The following ADD3 variants were observed in gnomAD, a reference collection of about 807,000 sequenced individuals.
ADD3 encodes adducin 3.
In ADD3, 25 loss-of-function variants were observed where a neutral mutation model predicts 80.2. The observed-to-expected ratio is 0.31, with a 90% CI of 0.23 to 0.44. The LOEUF is 0.44. ADD3 is among the 20% of genes least tolerant of loss of function. The pLI is 1.00. For missense variants in ADD3, 829 were observed against 847.5 expected (o/e 0.98, Z 0.27); for synonymous variants, 284 against 289.6 (o/e 0.98, Z 0.20).
chr10:110,045,414 C>A (rs115658440), intron 1 of ADD3, among the ~76,000 whole-genome samples: 2 of 151,996 alleles, frequency 1.3e-5, no homozygotes, highest in African/African-American at 4.8e-5. Flanking sequence ...TCCTCTGTTG[C>A]TATTTAGCAC....
intron 4 of ADD3, 69 bp downstream of exon 4, chr10:110,116,479 C>T (rs1048723111): frequency 6.6e-7 from 1 of 1,507,890 alleles, no homozygotes. Flanking sequence ...CTCTTCTTAC[C>T]TTTACCTGGA....
intron 1 of ADD3, among the ~76,000 whole-genome samples, chr10:110,074,398 T>C (rs1396701822): frequency 4.6e-5 from 7 of 152,198 alleles, no homozygotes; most frequent in Admixed American, 3.9e-4. Flanking sequence ...TTCTCTTCAT[T>C]GATCAAGCCC....
chr10:110,106,846 T>C (rs548456011), intron 2 of ADD3, among the ~76,000 whole-genome samples: 34 of 152,260 alleles, frequency 2.2e-4, no homozygotes, highest in African/African-American at 7.7e-4. Context: ...TAAAAGTTTA[T>C]AACATTCAAT....
At chr10:110,086,113 A>G (rs1242389799) in intron 1 of ADD3, among the ~76,000 whole-genome samples, 1 of 151,844 alleles carries the variant, frequency 6.6e-6, no homozygotes, top group Non-Finnish European at 1.5e-5. Flanking sequence ...TCTCAGAAAC[A>G]GAAAGAAAAA....
intron 1 of ADD3, among the ~76,000 whole-genome samples, chr10:110,084,354 A>C (rs2133804111): frequency 6.6e-6 from 1 of 152,338 alleles, no homozygotes; most frequent in East Asian, 1.9e-4. Flanking sequence ...ATGAGGCATT[A>C]CCTGGCTTTT....
chr10:110,003,745 T>C (rs578081213), upstream of ADD3, among the ~76,000 whole-genome samples: 3 of 152,176 alleles, frequency 2.0e-5, no homozygotes, highest in East Asian at 5.8e-4. Context: ...CTACCCAGAG[T>C]TCCTGTTGAG....
At chr10:109,999,745 A>G (rs114607016) in intron 1 of ADD3, among the ~76,000 whole-genome samples, 3 of 152,228 alleles carry the variant, frequency 2.0e-5, no homozygotes, top group Middle Eastern at 3.4e-3. Context: ...ATCATATCTT[A>G]ATAATTATTA....
intron 1 of ADD3, among the ~76,000 whole-genome samples, chr10:110,085,640 G>C (rs1261378028): frequency 6.6e-6 from 1 of 152,234 alleles, no homozygotes; most frequent in Admixed American, 6.5e-5. Flanking sequence ...GCTATCAGGT[G>C]ACCTCAGGGA....
At chr10:110,063,445 A>G (rs1418266508) in intron 1 of ADD3, among the ~76,000 whole-genome samples, 7 of 152,024 alleles carry the variant, frequency 4.6e-5, no homozygotes. Context: ...GTATAGGAGT[A>G]TATATAGAGC....
chr10:110,130,228 G>T (rs1172916584), intron 12 of ADD3, 135 bp from the exon 13 acceptor site: 2 of 863,786 alleles, frequency 2.3e-6, no homozygotes, highest in Non-Finnish European at 1.8e-6. Context: ...ATGTTACCTT[G>T]CATTTCTTAG....
intron 1 of ADD3, among the ~76,000 whole-genome samples, chr10:110,013,927 C>G (rs1187460877): frequency 6.6e-6 from 1 of 152,206 alleles, no homozygotes; most frequent in Non-Finnish European, 1.5e-5. Flanking sequence ...CGGTGTATGT[C>G]TTTGTCACCA....
At chr10:110,083,826 C>G (rs962822899) in intron 1 of ADD3, among the ~76,000 whole-genome samples, 4 of 152,144 alleles carry the variant, frequency 2.6e-5, no homozygotes, top group African/African-American at 9.7e-5. Context: ...GGTTGTAGTA[C>G]TCTTACTACC....
chr10:110,073,388 C>G (rs1349666424), intron 1 of ADD3, among the ~76,000 whole-genome samples: 1 of 151,978 alleles, frequency 6.6e-6, no homozygotes, highest in Non-Finnish European at 1.5e-5. Context: ...GTGATCCACC[C>G]GCCTCGGCCT....
At position 110,015,377 on chromosome 10, in the gene ADD3, A is replaced by AT. The variant is rs1236262588; in HGVS notation, c.-30+7094dup. 7.9e-3 allele frequency among the ~76,000 whole-genome samples: 1,099 copies of AT among 139,744 alleles called. 12 individuals are homozygous for AT. The highest frequency in any genetic ancestry group is 0.019 in the African/African-American group (743 of 38,136). 91.7% of individuals were successfully genotyped at this position (139,744 alleles called of 152,430 possible). On this transcript the variant is annotated intron_variant, in intron 1 of 14. Transcript: ENST00000356080. ...ACTAATTTTCATATTAGAATGTTTG[A>AT]TTTTTTTTTTTTTTTTGAGATGGAG...
Position 110,119,273 on chromosome 10 carries a change from T to G in ADD3, c.780T>G (p.Val260=). The change falls in exon 7 of 15, where the codon GTT becomes GTG. Residue 260 remains valine, a synonymous_variant. Transcript: ENST00000356080. ...ISQESLLLGD[V]AYYDYQGSLE... ...AAGAGTCTCTTCTTCTGGGAGATGT[T>G]GCCTATTATGACTACCAAGGGTCAC... 6.2e-7 allele frequency: 1 copy of G among 1,614,194 alleles called. No homozygotes were observed. Among genetic ancestry groups the G allele is most frequent in the Non-Finnish European group, 8.5e-7 (1 of 1,180,018 alleles).
At chr10:110,124,954 C>T (rs917788624) in intron 10 of ADD3, among the ~76,000 whole-genome samples, 1 of 152,036 alleles carries the variant, frequency 6.6e-6, no homozygotes, top group Non-Finnish European at 1.5e-5. Context: ...AATCAGCTAT[C>T]GTTAGTGTTG....
intron 1 of ADD3, among the ~76,000 whole-genome samples, chr10:110,022,847 G>A (rs1170933047): frequency 6.6e-6 from 1 of 151,742 alleles, no homozygotes; most frequent in African/African-American, 2.4e-5. Context: ...CAAGCTGTTG[G>A]GGAGGAGGGT....
intron 1 of ADD3, among the ~76,000 whole-genome samples, chr10:110,074,893 G>A (rs1045285931): frequency 2.6e-5 from 4 of 152,140 alleles, no homozygotes; most frequent in Non-Finnish European, 4.4e-5. Flanking sequence ...CTGAGGAGGC[G>A]GGAGGGAAGG....
intron 1 of ADD3, among the ~76,000 whole-genome samples, chr10:110,059,184 C>T (rs970047065): frequency 1.3e-5 from 1 of 78,090 alleles, no homozygotes; most frequent in Non-Finnish European, 4.6e-5. Context: ...AAAGATCACC[C>T]ATACAGGCCG....
Sources: allele counts gnomAD v4.1 joint callset (sites outside exome capture counted in the v4.1 genomes callset), GRCh38; gene constraint gnomAD v4.1.1; transcripts MANE v1.5; gene names NCBI Gene and HGNC (gene_info 2026-07-23, HGNC 2026-07-21).